CFAP46: variants seen among roughly 807,000 people sequenced by gnomAD.
CFAP46 encodes the protein cilia and flagella associated protein 46.
A neutral mutation model predicts 325.7 loss-of-function variants in CFAP46; 245 were observed. The observed-to-expected ratio is 0.75, with a 90% CI of 0.68 to 0.84. The LOEUF is 0.84. Ranked by LOEUF, CFAP46 falls within the 40% of genes least tolerant of loss-of-function variation. The pLI is 0.00. For missense variants in CFAP46, 3,346 were observed against 3,543.0 expected, an observed-to-expected ratio of 0.94 and a Z score of 1.41; for synonymous variants, 1,523 against 1,495.9, an observed-to-expected ratio of 1.02 and a Z score of -0.42.
At chr10:132,908,729 TA>T in intron 21 of CFAP46, 95 bp from the exon 22 acceptor site, 1 of 1,398,774 alleles carries the variant, frequency 7.1e-7, no homozygotes, top group Non-Finnish European at 9.4e-7. Context: ...CATGTGATCC[TA>T]AGCAGAGGCG....
chr10:132,840,667 T>G (rs1473072753), intron 44 of CFAP46, among the ~76,000 whole-genome samples: 1 of 152,276 alleles, frequency 6.6e-6, no homozygotes, highest in African/African-American at 2.4e-5. Flanking sequence ...AAGTGTTTTC[T>G]GAATTCTGCT....
intron 50 of CFAP46, among the ~76,000 whole-genome samples, chr10:132,821,953 G>T (rs1325567887): frequency 7.7e-6 from 1 of 130,138 alleles, no homozygotes; most frequent in Admixed American, 7.4e-5. Flanking sequence ...GTGTGCGCTT[G>T]TGTGTGCTGT....
chr10:132,823,940 G>A (rs1847962057), intron 50 of CFAP46, among the ~76,000 whole-genome samples: 1 of 142,474 alleles, frequency 7.0e-6, no homozygotes, highest in South Asian at 2.4e-4. Flanking sequence ...GATGTGTGCT[G>A]TGTGTGCAGT....
intron 43 of CFAP46, 78 bp downstream of exon 43, chr10:132,846,854 C>T (rs770170086): frequency 1.5e-5 from 22 of 1,481,064 alleles, no homozygotes; most frequent in South Asian, 9.7e-5. Flanking sequence ...CCCCCCAAGG[C>T]GAGGGCCCCA....
In CFAP46 at chr10:132,836,127, T is replaced by G; in HGVS notation, c.6613+15A>C. 7.1e-7 allele frequency: 1 copy of G among 1,417,092 alleles called. No homozygotes were observed. The highest frequency in any genetic ancestry group is 1.1e-5 in the South Asian group (1 of 87,486). 87.8% of individuals were successfully genotyped at this position (1,417,092 alleles called of 1,614,324 possible). Reference sequence around the variant, plus strand: ...TGCCCTGCTCCCCCTCCCCCTCCCCTGCAGCCCTGCTCACCTCCCACCGCC... The same window carrying G: ...TGCCCTGCTCCCCCTCCCCCTCCCCGGCAGCCCTGCTCACCTCCCACCGCC... On this transcript the variant is annotated intron_variant, in intron 46 of 57. Coordinates refer to ENST00000368586, the MANE Select transcript of CFAP46 (RefSeq NM_001200049.3).
At chr10:132,864,402 C>T (rs1174731511) in intron 35 of CFAP46, among the ~76,000 whole-genome samples, 2 of 124,260 alleles carry the variant, frequency 1.6e-5, no homozygotes, top group African/African-American at 3.2e-5. Context: ...ACACCTGTCC[C>T]CAGTGCCTGA....
intron 19 of CFAP46, among the ~76,000 whole-genome samples, chr10:132,912,387 CCT>C (rs1176295873): frequency 4.9e-5 from 7 of 142,302 alleles, no homozygotes; most frequent in Admixed American, 2.8e-4. Context: ...GCTTCTCTCG[CCT>C]CTCTCTCCTC....
Position 132,835,450 on chromosome 10 carries a change from C to A in CFAP46, c.6614-16G>T. 3 of 1,613,252 alleles carry A rather than the reference C, an allele frequency of 1.9e-6. No individual in the cohort carries two copies. Among genetic ancestry groups the A allele is most frequent in the Non-Finnish European group, 2.5e-6 (3 of 1,179,836 alleles). ...TTGCAGGAGCCTGTGGGGACATGGA[C>A]ACACCCTCTGTCGCTGCCCAGGGCT... On this transcript the variant is annotated splice_polypyrimidine_tract_variant and intron_variant, in intron 46 of 57. Coordinates refer to ENST00000368586, the MANE Select transcript of CFAP46 (RefSeq NM_001200049.3).
Position 132,934,795 on chromosome 10 carries a change from CTAAG to C in CFAP46, c.819_822del (p.His273GlnfsTer28), listed in dbSNP as rs1849966904. ...GGAAAGCGCTGGTGGTTGTAATGAC[CTAAG>C]TGTCTGTAGGCCTTCCTCAGAATGA... On this transcript the variant is annotated frameshift_variant, in exon 8 of 58. Transcript: ENST00000368586. LOFTEE classifies it high-confidence loss of function. 6 of 1,612,924 alleles carry C rather than the reference CTAAG, an allele frequency of 3.7e-6. No homozygotes were observed. The highest frequency in any genetic ancestry group is 4.2e-6 in the Non-Finnish European group (5 of 1,179,214).
At chr10:132,867,622 T>A in intron 33 of CFAP46, 115 bp from the exon 34 acceptor site, 1 of 1,318,028 alleles carries the variant, frequency 7.6e-7, no homozygotes, top group Non-Finnish European at 1.0e-6. Context: ...TTCACGCGCG[T>A]GTTTACAAAG....
rs375180558 is a variant in CFAP46 at position 132,814,595 on chromosome 10, C to T, written c.7267G>A (p.Glu2423Lys). ...CACCCACCTGGGCCCTGGGCCTCCT[C>T]GTATGGGTCCACGACGACTGGGTCC... ...DNFKFVVDPY[E>K]EAQGPEMLTP... Residue 2423 changes from glutamate (E) to lysine (K), a missense_variant, in exon 53 of 58, where the codon GAG becomes AAG. Glu to Lys is a moderately conservative substitution (Grantham distance 56). Transcript: ENST00000368586. The T allele has an allele frequency of 3.2e-5, 50 of 1,571,386 alleles. No homozygotes were observed. The highest frequency in any genetic ancestry group is 1.7e-4 in the Middle Eastern group (1 of 5,794).
At chr10:132,834,554 C>T (rs1443883658) in intron 48 of CFAP46, 100 bp downstream of exon 48, 20 of 1,507,610 alleles carry the variant, frequency 1.3e-5, no homozygotes, top group Admixed American at 2.2e-5. Context: ...CAAAGGCGGC[C>T]GAGAAGGCAC....
chr10:132,885,822 G>A lies in CFAP46; in HGVS notation c.3442C>T (p.Leu1148Phe). The A allele has an allele frequency of 1.3e-6, 2 of 1,512,354 alleles. No homozygotes were observed. The highest frequency in any genetic ancestry group is 1.4e-5 in the African/African-American group (1 of 71,938). 93.7% of individuals were successfully genotyped at this position (1,512,354 alleles called of 1,614,324 possible). A position where few individuals can be genotyped will look rare whatever the true frequency, so the allele number is the denominator to read the frequency against. Residue 1148 changes from leucine to phenylalanine, a missense_variant and splice_region_variant, in exon 26 of 58, where the codon CTC becomes TTC. Leu to Phe is a conservative substitution (Grantham distance 22). Coordinates refer to ENST00000368586, the MANE Select transcript of CFAP46 (RefSeq NM_001200049.3). ...ACAGGCGGTGGGGGGAGCACTCACA[G>A]GCGGTGGGCCGTCCTTGGCAGCACC... is the stretch of plus-strand genomic sequence containing the variant. Reference protein sequence around the residue: ...VQVLPRTAHRLLIFKHMVIVK... With the variant: ...VQVLPRTAHRFLIFKHMVIVK...
chr10:132,884,307 G>C lies in CFAP46; in HGVS notation c.3627+796C>G, dbSNP rs986156225. Among the ~76,000 whole-genome samples the C allele has an allele frequency of 3.9e-5, 6 of 152,172 alleles. No homozygotes were observed. Among genetic ancestry groups the C allele is most frequent in the African/African-American group, 1.4e-4 (6 of 41,420 alleles). ...GTCTGCCTTGATCACCCAGTGCCCT[G>C]AGCCGGCACTCACACAGCACCGTCA... On this transcript the variant is annotated intron_variant, in intron 27 of 57. Transcript: ENST00000368586. This position sits in a 1 kb window ranked among gnomAD's most constrained non-coding sequence, Gnocchi z 5.4.
At chr10:132,895,150 T>C (rs763871767) in intron 24 of CFAP46, among the ~76,000 whole-genome samples, 7 of 152,240 alleles carry the variant, frequency 4.6e-5, no homozygotes, top group Admixed American at 4.6e-4. Flanking sequence ...GGTGGCTCAC[T>C]GTGTGCAGAT....
intron 5 of CFAP46, 36 bp downstream of exon 5, chr10:132,938,553 C>T (rs991899456): frequency 5.6e-6 from 9 of 1,601,024 alleles, no homozygotes; most frequent in African/African-American, 4.0e-5. Context: ...GGCGGCCCAC[C>T]GGGAGGCCAC....
intron 35 of CFAP46, 27 bp downstream of exon 35, chr10:132,865,998 G>A: frequency 1.4e-6 from 2 of 1,471,268 alleles, no homozygotes; most frequent in African/African-American, 1.4e-5. Flanking sequence ...GGCTGTGGAT[G>A]GTGATGGGCT....
chr10:132,817,518 T>C lies in CFAP46; in HGVS notation c.7118-2604A>G, dbSNP rs903736992. ...TCCTGGTTTTCTACCTGTTTCTCCATGACCAGCTGTTGGATTTGATTGAGG... is the reference window on the plus strand; with the variant it reads ...TCCTGGTTTTCTACCTGTTTCTCCACGACCAGCTGTTGGATTTGATTGAGG... On this transcript the variant is annotated intron_variant, in intron 50 of 57. Coordinates refer to ENST00000368586, the MANE Select transcript of CFAP46 (RefSeq NM_001200049.3). The surrounding 1 kb of genome is among the most constrained non-coding windows in gnomAD (Gnocchi z 4.4). Among the ~76,000 whole-genome samples the C allele has an allele frequency of 6.6e-6, 1 of 152,240 alleles. No homozygotes were observed. The highest frequency in any genetic ancestry group is 1.5e-5 in the Non-Finnish European group (1 of 68,042).
rs140523403 is a variant in CFAP46, at chr10:132,851,326, T to C, written c.5575-21A>G. The C allele has an allele frequency of 9.1e-4, 1,464 of 1,605,786 alleles. 23 individuals are homozygous for C. In the African/African-American group the frequency reaches 0.017, roughly 19 times the overall value. On this transcript the variant is annotated intron_variant, in intron 39 of 57. Transcript: ENST00000368586. ...TGCAACTGAGGGGGTCAGGCATGCCTCTGAAGCATGGAAGCTTCTGGTAAG... is the reference window on the plus strand; with the variant it reads ...TGCAACTGAGGGGGTCAGGCATGCCCCTGAAGCATGGAAGCTTCTGGTAAG...
Sources: gnomAD v4.1 joint callset for allele counts (sites outside exome capture counted in the v4.1 genomes callset) on GRCh38, gnomAD v4.1.1 for gene constraint, Gnocchi (gnomAD v3.1) non-coding constraint, MANE v1.5 for transcripts, NCBI Gene and HGNC (gene_info 2026-07-23, HGNC 2026-07-21) for gene names.